SMARCC1: variants seen among roughly 807,000 people sequenced by gnomAD.
SMARCC1 encodes SWI/SNF related BAF chromatin remodeling complex subunit C1.
Under a neutral mutation model 147.4 loss-of-function variants are expected in SMARCC1, and 43 were observed. The ratio of observed to expected loss-of-function variants is 0.29; its 90% CI spans 0.23 to 0.38. The LOEUF (loss-of-function observed/expected upper bound fraction) is 0.38, where lower values mean the gene tolerates loss of function less well. SMARCC1 is among the 10% of genes least tolerant of loss of function. The pLI is 1.00. For missense variants in SMARCC1, 1,119 were observed against 1,381.1 expected, an observed-to-expected ratio of 0.81 and a Z score of 3.01; for synonymous variants, 495 against 484.4, an observed-to-expected ratio of 1.02 and a Z score of -0.29.
chr3:47,669,665 G>T lies in SMARCC1; in HGVS notation c.1899+993C>A, dbSNP rs956577444. ...AAAACACAAAACAAGGGATTGTTTTGATTTTGATCACAACAGAGAAAGATA... is the reference window on the plus strand; with the variant it reads ...AAAACACAAAACAAGGGATTGTTTTTATTTTGATCACAACAGAGAAAGATA... On this transcript the variant is annotated intron_variant, in intron 19 of 27. Coordinates refer to ENST00000254480, the MANE Select transcript of SMARCC1 (RefSeq NM_003074.4). 6.6e-5 allele frequency among the ~76,000 whole-genome samples: 10 copies of T among 152,218 alleles called. No individual in the cohort carries two copies. The East Asian group carries it at 1.7e-3, about 26-fold the overall frequency.
intron 2 of SMARCC1, among the ~76,000 whole-genome samples, chr3:47,758,062 A>G (rs1328958865): frequency 6.6e-6 from 1 of 152,166 alleles, no homozygotes; most frequent in African/African-American, 2.4e-5. Flanking sequence ...AAATGAATAA[A>G]AAAAATTGTG....
intron 21 of SMARCC1, among the ~76,000 whole-genome samples, chr3:47,652,949 C>CT (rs55872948): frequency 0.58 from 75,475 of 129,610 alleles, 23,349 homozygotes; most frequent in East Asian, 0.68. Flanking sequence ...GCTTTACTTT[C>CT]TTTTTTTTTT....
In SMARCC1 at chr3:47,738,120, A is replaced by G; in HGVS notation, c.402-10T>C. The G allele has an allele frequency of 2.6e-6, 4 of 1,552,160 alleles. No individual in the cohort carries two copies. The highest frequency in any genetic ancestry group is 2.6e-6 in the Non-Finnish European group (3 of 1,151,268). ...TAGGTCAAACCTCCGCCTAAAAAAA[A>G]AGAAAAACCCTAGTTAATTTGTCTC... is the stretch of plus-strand genomic sequence containing the variant. On this transcript the variant is annotated splice_polypyrimidine_tract_variant and intron_variant, in intron 3 of 27. Coordinates refer to ENST00000254480, the MANE Select transcript of SMARCC1 (RefSeq NM_003074.4).
intron 2 of SMARCC1, among the ~76,000 whole-genome samples, chr3:47,752,300 T>C (rs567284989): frequency 1.4e-4 from 22 of 152,156 alleles, no homozygotes; most frequent in South Asian, 4.2e-4. Context: ...AAGCTGGAGA[T>C]AGGAACAAGA....
At position 47,710,951 on chromosome 3, in the gene SMARCC1, T is replaced by C; in HGVS notation, c.793-143A>G. 1.1e-5 allele frequency: 6 copies of C among 544,588 alleles called. No homozygotes were observed. The South Asian group carries it at 1.4e-4, about 13-fold the overall frequency. 33.7% of individuals were successfully genotyped at this position (544,588 alleles called of 1,614,324 possible). A position where few individuals can be genotyped will look rare whatever the true frequency, so the allele number is the denominator to read the frequency against. On this transcript the variant is annotated intron_variant, in intron 8 of 27. Transcript: ENST00000254480. ...ATAATGTGATACTACTAATGATATG[T>C]GAGTTGTAATTTAATCATCTCTATT...
chr3:47,642,901 C>CA (rs1407009783), intron 21 of SMARCC1, among the ~76,000 whole-genome samples: 1 of 151,944 alleles, frequency 6.6e-6, no homozygotes, highest in Non-Finnish European at 1.5e-5. Flanking sequence ...AACAAACAAA[C>CA]AAAAAACAAT....
intron 2 of SMARCC1, among the ~76,000 whole-genome samples, chr3:47,755,333 T>C (rs2034682612): frequency 6.8e-6 from 1 of 146,860 alleles, no homozygotes; most frequent in South Asian, 2.2e-4. Flanking sequence ...AAACCCTGTC[T>C]AAAAAAAAAT....
chr3:47,662,893 T>C (rs1375838785), intron 19 of SMARCC1, among the ~76,000 whole-genome samples: 1 of 150,734 alleles, frequency 6.6e-6, no homozygotes, highest in Non-Finnish European at 1.5e-5. Context: ...GCCAATAACA[T>C]GGTGAAACCC....
chr3:47,763,677 TTC>T (rs1027381550), intron 2 of SMARCC1, among the ~76,000 whole-genome samples: 10 of 151,738 alleles, frequency 6.6e-5, no homozygotes, highest in South Asian at 2.1e-4. Flanking sequence ...ATATACAGTA[TTC>T]TGTTTTATGT....
chr3:47,685,388 C>G (rs1288106216), intron 14 of SMARCC1, among the ~76,000 whole-genome samples: 1 of 152,070 alleles, frequency 6.6e-6, no homozygotes, highest in Non-Finnish European at 1.5e-5. Context: ...GAGTTAATTT[C>G]AAGTAACTAA....
At chr3:47,706,282 G>A in intron 10 of SMARCC1, 127 bp downstream of exon 10, 1 of 820,738 alleles carries the variant, frequency 1.2e-6, no homozygotes, top group Non-Finnish European at 1.7e-6. Flanking sequence ...ATGTTGGCCA[G>A]GCTGGATTTG....
rs921384894 is a variant in SMARCC1, at chr3:47,674,711, T to C, written c.1839+764A>G. On this transcript the variant is annotated intron_variant, in intron 18 of 27. Transcript: ENST00000254480. ...AACTCCTGGCCTCAGACAACCCTAC[T>C]GCCCTGGCCTCCCAAAGTGTTGAGC... is the stretch of plus-strand genomic sequence containing the variant. Among the ~76,000 whole-genome samples the C allele has an allele frequency of 2.0e-5, 3 of 152,168 alleles. No individual in the cohort carries two copies. In the South Asian group the frequency reaches 6.2e-4, roughly 32 times the overall value.
At chr3:47,630,448 C>A (rs2032871378) in intron 24 of SMARCC1, among the ~76,000 whole-genome samples, 1 of 152,124 alleles carries the variant, frequency 6.6e-6, no homozygotes, top group African/African-American at 2.4e-5. Context: ...ATATATGGAA[C>A]ATAGGAGAAA....
intron 8 of SMARCC1, among the ~76,000 whole-genome samples, chr3:47,714,214 A>C (rs1228542596): frequency 1.3e-5 from 2 of 152,180 alleles, no homozygotes; most frequent in Non-Finnish European, 2.9e-5. Flanking sequence ...AAATACAAAA[A>C]TTAGCCTAAC....
rs192086175 is a variant in SMARCC1 at position 47,731,276 on chromosome 3, A to T, written c.577-2182T>A. On this transcript the variant is annotated intron_variant, in intron 5 of 27. Coordinates refer to ENST00000254480, the MANE Select transcript of SMARCC1 (RefSeq NM_003074.4). Reference sequence around the variant, plus strand: ...CTCTTCCATCTGTTCAAGTTTTGTCATGAGATCGCGGCAATTCAGTCACAT... The same window carrying T: ...CTCTTCCATCTGTTCAAGTTTTGTCTTGAGATCGCGGCAATTCAGTCACAT... Among the ~76,000 whole-genome samples, 161 of 152,326 alleles carry T rather than the reference A, an allele frequency of 1.1e-3. 1 individual carries two copies. The highest frequency in any genetic ancestry group is 1.9e-4 in the Non-Finnish European group (13 of 68,022).
chr3:47,756,533 CAAAAAAAAAAAAAA>C (rs11353915), intron 2 of SMARCC1, among the ~76,000 whole-genome samples: 1 of 83,106 alleles, frequency 1.2e-5, no homozygotes, highest in Non-Finnish European at 2.3e-5. Flanking sequence ...AACTCCGTCT[CAAAAAAAAAAAAAA>C]AAAAAAAAGG....
intron 21 of SMARCC1, among the ~76,000 whole-genome samples, chr3:47,658,002 A>G (rs1406276121): frequency 1.3e-5 from 2 of 151,984 alleles, no homozygotes; most frequent in African/African-American, 4.8e-5. Context: ...ATTTAACCCA[A>G]AGCAAGCAGA....
At chr3:47,634,606 T>C (rs1011627173) in intron 24 of SMARCC1, among the ~76,000 whole-genome samples, 4 of 152,238 alleles carry the variant, frequency 2.6e-5, no homozygotes, top group African/African-American at 9.6e-5. Flanking sequence ...TATTCATGTT[T>C]AGAATTACTT....
chr3:47,667,194 T>C (rs2033431429), intron 19 of SMARCC1, among the ~76,000 whole-genome samples: 1 of 151,992 alleles, frequency 6.6e-6, no homozygotes, highest in Non-Finnish European at 1.5e-5. Flanking sequence ...GGCAGGCACC[T>C]GTAGTCCCAG....
Sources: allele counts gnomAD v4.1 joint callset (sites outside exome capture counted in the v4.1 genomes callset), GRCh38; gene constraint gnomAD v4.1.1; transcripts MANE v1.5; gene names NCBI Gene and HGNC (gene_info 2026-07-23, HGNC 2026-07-21).